Variants in ACER2 observed in about 807,000 individuals in gnomAD.
ACER2 encodes the protein alkaline ceramidase 2, also known as alkCDase 2.
ACER2 carries 26 observed loss-of-function variants against 34.7 expected under a neutral mutation model. The ratio of observed to expected loss-of-function variants is 0.75; its 90% CI spans 0.55 to 1.04. The LOEUF is 1.04. Ranked by LOEUF, ACER2 falls within the 50% of genes least tolerant of loss-of-function variation. The pLI is 0.00. For missense variants in ACER2, 352 were observed against 340.8 expected, an observed-to-expected ratio of 1.03 and a Z score of -0.26; for synonymous variants, 138 against 132.1, an observed-to-expected ratio of 1.04 and a Z score of -0.31.
At chr9:19,448,369 A>G (rs1371035335) in intron 5 of ACER2, among the ~76,000 whole-genome samples, 1 of 152,188 alleles carries the variant, frequency 6.6e-6, no homozygotes, top group Non-Finnish European at 1.5e-5. Context: ...CTAATGCTAT[A>G]CAGACATCAT....
At chr9:19,441,390 A>G (rs1831154045) in intron 4 of ACER2, among the ~76,000 whole-genome samples, 1 of 152,084 alleles carries the variant, frequency 6.6e-6, no homozygotes, top group South Asian at 2.1e-4. Context: ...TGCAATGAAG[A>G]TAAAGTTCCA....
chr9:19,431,853 A>G (rs764707114), intron 3 of ACER2, among the ~76,000 whole-genome samples: 37 of 152,228 alleles, frequency 2.4e-4, no homozygotes, highest in Non-Finnish European at 4.6e-4. Flanking sequence ...TGAGGGTTCA[A>G]TGCCCTTTGA....
chr9:19,449,056 G>C (rs1046319928), intron 5 of ACER2, among the ~76,000 whole-genome samples: 1 of 152,166 alleles, frequency 6.6e-6, no homozygotes, highest in Non-Finnish European at 1.5e-5. Flanking sequence ...TTTGAACCTG[G>C]GAGGCGGAGA....
At chr9:19,449,022 T>G (rs1454016470) in intron 5 of ACER2, among the ~76,000 whole-genome samples, 1 of 152,136 alleles carries the variant, frequency 6.6e-6, no homozygotes, top group Non-Finnish European at 1.5e-5. Context: ...CCCAGCTATT[T>G]GGGAGGTTGA....
At position 19,423,796 on chromosome 9, in the gene ACER2, G is replaced by T; in HGVS notation, c.109-66G>T. 3 of 1,192,088 alleles carry T rather than the reference G, an allele frequency of 2.5e-6. No homozygotes were observed. The East Asian group carries it at 7.0e-5, about 28-fold the overall frequency. 73.8% of individuals were successfully genotyped at this position (1,192,088 alleles called of 1,614,324 possible). On this transcript the variant is annotated intron_variant, in intron 1 of 5. Coordinates refer to ENST00000340967, the MANE Select transcript of ACER2 (RefSeq NM_001010887.3). Reference sequence around the variant, plus strand: ...AGTTTGCAAGGACATACTTGGAAGAGGCCACTTTATTTTTTGCCCTTTTTA... The same window carrying T: ...AGTTTGCAAGGACATACTTGGAAGATGCCACTTTATTTTTTGCCCTTTTTA...
chr9:19,422,665 C>G (rs981081422), intron 1 of ACER2, among the ~76,000 whole-genome samples: 1 of 151,866 alleles, frequency 6.6e-6, no homozygotes, highest in East Asian at 1.9e-4. Flanking sequence ...TGGACAATGT[C>G]CAGTCTTTTT....
At chr9:19,428,077 CCT>C in intron 3 of ACER2, among the ~76,000 whole-genome samples, 12 of 115,206 alleles carry the variant, frequency 1.0e-4, no homozygotes, top group Non-Finnish European at 1.8e-4. Context: ...CCTTTCCTTT[CCT>C]TCTCTCTCTC....
chr9:19,420,535 G>A (rs984892971), intron 1 of ACER2, among the ~76,000 whole-genome samples: 1 of 152,160 alleles, frequency 6.6e-6, no homozygotes, highest in Non-Finnish European at 1.5e-5. Flanking sequence ...AACAAGTGTT[G>A]GCAAGGATGT....
At chr9:19,418,453 C>A (rs935392232) in intron 1 of ACER2, among the ~76,000 whole-genome samples, 6 of 152,148 alleles carry the variant, frequency 3.9e-5, no homozygotes, top group African/African-American at 1.4e-4. Flanking sequence ...AACCCAAATG[C>A]CCATCAGTGA....
intron 5 of ACER2, among the ~76,000 whole-genome samples, chr9:19,448,275 A>G (rs61117173): frequency 0.58 from 87,613 of 152,066 alleles, 26,189 homozygotes; most frequent in Non-Finnish European, 0.66. Context: ...TGGGCTCCCA[A>G]AGTGCTGGGA....
In ACER2 at chr9:19,448,067, G is replaced by C. The variant is rs1203570599; in HGVS notation, c.641+1649G>C. On this transcript the variant is annotated intron_variant, in intron 5 of 5. Transcript: ENST00000340967. ...TGTTGCCCAGGCTGGAGTGCAGTGGGGTGATCTTGGCTCACTGCAATCTCT... is the reference window on the plus strand; with the variant it reads ...TGTTGCCCAGGCTGGAGTGCAGTGGCGTGATCTTGGCTCACTGCAATCTCT... Among the ~76,000 whole-genome samples, 5 of 146,106 alleles carry C rather than the reference G, an allele frequency of 3.4e-5. No individual in the cohort carries two copies. The Admixed American group carries it at 3.6e-4, about 10-fold the overall frequency.
chr9:19,446,742 G>T, intron 5 of ACER2: 1 of 676,862 alleles, frequency 1.5e-6, no homozygotes, highest in Non-Finnish European at 1.8e-6. Context: ...GGTGTTGGGG[G>T]AGGGGAGAGG....
intron 4 of ACER2, among the ~76,000 whole-genome samples, chr9:19,438,124 C>T (rs1327400350): frequency 6.6e-6 from 1 of 152,198 alleles, no homozygotes; most frequent in African/African-American, 2.4e-5. Flanking sequence ...GTTTGGGTCT[C>T]AGTTCAGGCT....
At chr9:19,422,427 C>T (rs1830433940) in intron 1 of ACER2, among the ~76,000 whole-genome samples, 1 of 152,068 alleles carries the variant, frequency 6.6e-6, no homozygotes, top group South Asian at 2.1e-4. Flanking sequence ...GTTGAATGCC[C>T]ATGGAGACAT....
Position 19,435,031 on chromosome 9 carries a change from T to C in ACER2, c.450T>C (p.Ser150=). Residue 150 remains serine (S), a synonymous_variant, in exon 4 of 6, where the codon TCT becomes TCC. Coordinates refer to ENST00000340967, the MANE Select transcript of ACER2 (RefSeq NM_001010887.3). ...TCAAGCCTGCCATCAACAACATCTC[T>C]CTGATGACCCTGGGAGTTCCTTGCA... ...AFVKPAINNI[S]LMTLGVPCTA... The C allele has an allele frequency of 6.2e-7, 1 of 1,614,114 alleles. No individual in the cohort carries two copies. Among genetic ancestry groups the C allele is most frequent in the East Asian group, 2.2e-5 (1 of 44,870 alleles).
At chr9:19,416,565 G>A (rs114048370) in intron 1 of ACER2, among the ~76,000 whole-genome samples, 2,048 of 151,630 alleles carry the variant, frequency 0.014, 47 homozygotes, top group African/African-American at 0.047. Flanking sequence ...GACTCTTGTC[G>A]CCCAGGCTGG....
At position 19,428,012 on chromosome 9, in the gene ACER2, C is replaced by CCTTTCCTTTCCTTTG. The variant is rs1476955704; in HGVS notation, c.365+3185_365+3186insGCTTTCCTTTCCTTT. 3.4e-4 allele frequency among the ~76,000 whole-genome samples: 11 copies of CCTTTCCTTTCCTTTG among 31,898 alleles called. 2 individuals are homozygous for CCTTTCCTTTCCTTTG. The East Asian group carries it at 7.1e-3, about 21-fold the overall frequency. 20.9% of individuals were successfully genotyped at this position (31,898 alleles called of 152,430 possible). A position where few individuals can be genotyped will look rare whatever the true frequency, so the allele number is the denominator to read the frequency against. ...TCCTTTCCTTTCCTTTTTCCTTTTT[C>CCTTTCCTTTCCTTTG]CTTTCCTTTCCTTTCCTTTCCTTTC... On this transcript the variant is annotated intron_variant, in intron 3 of 5. Transcript: ENST00000340967.
rs1486929410 is a variant in ACER2, at chr9:19,409,054, C to G, written c.-31C>G. The G allele has an allele frequency of 6.5e-7, 1 of 1,534,748 alleles. No individual in the cohort carries two copies. The highest frequency in any genetic ancestry group is 1.4e-5 in the African/African-American group (1 of 72,620). On this transcript the variant is annotated 5_prime_UTR_variant, in exon 1 of 6. Transcript: ENST00000340967. ...CAGCTCTGGGCTCTTCTCAGCTGCG[C>G]GAGCAGCTGCTCCAATGCCCCGGAG...
chr9:19,439,396 A>G (rs905979158), intron 4 of ACER2, among the ~76,000 whole-genome samples: 28 of 146,200 alleles, frequency 1.9e-4, no homozygotes, highest in Non-Finnish European at 3.6e-4. Context: ...GCTGGAGTGC[A>G]GTGGCAAGAT....
Sources: gnomAD v4.1 joint callset for allele counts (sites outside exome capture counted in the v4.1 genomes callset) on GRCh38, gnomAD v4.1.1 for gene constraint, MANE v1.5 for transcripts, NCBI Gene and HGNC (gene_info 2026-07-23, HGNC 2026-07-21) for gene names.